Variants in NEK1 observed in about 807,000 individuals in gnomAD.
NEK1 encodes the protein serine/threonine-protein kinase Nek1.
NEK1 carries 137 observed loss-of-function variants against 182.1 expected under a neutral mutation model. That is an observed-to-expected ratio of 0.75 (90% confidence interval 0.65 to 0.87). NEK1 has a LOEUF of 0.87. Ranked by LOEUF, NEK1 falls within the 40% of genes least tolerant of loss-of-function variation. The pLI, the probability that NEK1 is intolerant of heterozygous loss-of-function variation, is 0.00. For missense variants in NEK1, 1,391 were observed against 1,494.4 expected (o/e 0.93, Z 1.14); for synonymous variants, 513 against 492.2 (o/e 1.04, Z -0.56).
chr4:169,546,253 T>C (rs191433014), intron 18 of NEK1, among the ~76,000 whole-genome samples: 1 of 152,358 alleles, frequency 6.6e-6, no homozygotes, highest in East Asian at 1.9e-4. Context: ...CCAGTAGTCA[T>C]TCAGGAGCAG....
At chr4:169,610,074 A>G (rs1467819033) in intron 2 of NEK1, among the ~76,000 whole-genome samples, 2 of 150,118 alleles carry the variant, frequency 1.3e-5, no homozygotes, top group Non-Finnish European at 3.0e-5. Flanking sequence ...CTGGAATGCA[A>G]TGGTGCCATT....
chr4:169,486,761 C>T (rs984703034), intron 23 of NEK1, among the ~76,000 whole-genome samples: 1 of 152,102 alleles, frequency 6.6e-6, no homozygotes, highest in Admixed American at 6.5e-5. Context: ...CTGTGGGGAG[C>T]CTTACAGGCG....
At chr4:169,610,233 C>T (rs1366322711) in intron 2 of NEK1, among the ~76,000 whole-genome samples, 1 of 152,168 alleles carries the variant, frequency 6.6e-6, no homozygotes, top group Non-Finnish European at 1.5e-5. Context: ...AACTCCTGAC[C>T]TCAAATGATC....
At chr4:169,563,132 G>C (rs1220179250) in intron 12 of NEK1, among the ~76,000 whole-genome samples, 1 of 152,092 alleles carries the variant, frequency 6.6e-6, no homozygotes, top group African/African-American at 2.4e-5. Context: ...GGCCAAGATA[G>C]GAGGACTGCT....
At chr4:169,582,943 C>T (rs1010589179) in intron 10 of NEK1, among the ~76,000 whole-genome samples, 7 of 151,972 alleles carry the variant, frequency 4.6e-5, no homozygotes, top group African/African-American at 1.7e-4. Flanking sequence ...CAGAACTTAC[C>T]CATGGTTTTT....
rs762325346 is a variant in NEK1 at position 169,478,898 on chromosome 4, T to C, written c.2139+505A>G. ...GTCTATGTTTCTTTGTTTTACTATC[T>C]GTAGGGCATGACAGAGATTCAGAAG... On this transcript the variant is annotated intron_variant, in intron 24 of 35. Coordinates refer to ENST00000507142, the MANE Select transcript of NEK1 (RefSeq NM_001199397.3). 2.0e-5 allele frequency among the ~76,000 whole-genome samples: 3 copies of C among 152,180 alleles called. No homozygotes were observed. The South Asian group carries it at 6.2e-4, about 31-fold the overall frequency.
chr4:169,408,934 G>GT (rs1733127149), intron 31 of NEK1, among the ~76,000 whole-genome samples: 5 of 152,226 alleles, frequency 3.3e-5, no homozygotes, highest in Admixed American at 2.0e-4. Context: ...TATAAACATG[G>GT]GTGTGTGTGT....
chr4:169,561,610 C>A, intron 15 of NEK1, 56 bp from the exon 16 acceptor site: 2 of 1,585,216 alleles, frequency 1.3e-6, no homozygotes, highest in African/African-American at 1.3e-5. Context: ...ATAAAATACA[C>A]GTAATACATT....
At chr4:169,468,159 C>T (rs1377682532) in intron 26 of NEK1, among the ~76,000 whole-genome samples, 2 of 152,038 alleles carry the variant, frequency 1.3e-5, no homozygotes, top group African/African-American at 4.8e-5. Context: ...ATTATGCTTT[C>T]AGCCAGAGGT....
intron 12 of NEK1, among the ~76,000 whole-genome samples, chr4:169,569,951 C>A (rs539118415): frequency 0.013 from 1,981 of 152,038 alleles, 36 homozygotes; most frequent in African/African-American, 0.045. Context: ...GCCTGGCCGC[C>A]CATCGTCTGG....
At position 169,394,721 on chromosome 4, in the gene NEK1, G is replaced by A. The variant is rs13131146; in HGVS notation, c.3848-198C>T. On this transcript the variant is annotated intron_variant, in intron 35 of 35. Coordinates refer to ENST00000507142, the MANE Select transcript of NEK1 (RefSeq NM_001199397.3). ...ATAAAATGGGAAGCAAAAATCATCT[G>A]TAAGTGAAAGACAACCAATGTTAAC... Among the ~76,000 whole-genome samples the A allele has an allele frequency of 0.36, 54,353 of 151,950 alleles. 10,174 individuals are homozygous for A. The highest frequency in any genetic ancestry group is 0.46 in the South Asian group (2,199 of 4,818).
chr4:169,428,355 T>TATATATATATAC, intron 29 of NEK1, among the ~76,000 whole-genome samples: 1 of 141,308 alleles, frequency 7.1e-6, no homozygotes, highest in East Asian at 2.2e-4. Flanking sequence ...ATATGGGATA[T>TATATATATATAC]ATATATATAT....
intron 5 of NEK1, among the ~76,000 whole-genome samples, chr4:169,597,883 G>A (rs1348222895): frequency 6.6e-6 from 1 of 152,036 alleles, no homozygotes; most frequent in South Asian, 2.1e-4. Flanking sequence ...GCAGTGAGTC[G>A]AGATTGTGCC....
chr4:169,573,435 A>G (rs1765183749), intron 12 of NEK1, among the ~76,000 whole-genome samples: 1 of 152,242 alleles, frequency 6.6e-6, no homozygotes, highest in Non-Finnish European at 1.5e-5. Flanking sequence ...AAGTTAGACT[A>G]GTTACAATAG....
chr4:169,401,570 A>G, intron 33 of NEK1, 82 bp downstream of exon 33: 1 of 1,222,862 alleles, frequency 8.2e-7, no homozygotes, highest in Non-Finnish European at 1.2e-6. Context: ...GAAATGGTTC[A>G]CAGCAGAGAT....
intron 18 of NEK1, among the ~76,000 whole-genome samples, chr4:169,540,113 T>A (rs1223860947): frequency 1.3e-5 from 2 of 152,136 alleles, no homozygotes; most frequent in African/African-American, 4.8e-5. Context: ...AATAAGCAGG[T>A]TTACATTACT....
chr4:169,506,762 CT>C (rs566643465), intron 23 of NEK1: 17 of 163,106 alleles, frequency 1.0e-4, no homozygotes, highest in Non-Finnish European at 2.1e-4. Context: ...CAGAGCAATA[CT>C]CCATCTCAAA....
At chr4:169,580,636 T>G (rs72974750) in intron 11 of NEK1, among the ~76,000 whole-genome samples, 6 of 152,030 alleles carry the variant, frequency 3.9e-5, no homozygotes, top group Admixed American at 6.5e-5. Flanking sequence ...AGATTTCATT[T>G]AAATAAAATG....
chr4:169,452,669 T>C (rs1742048643), intron 27 of NEK1, among the ~76,000 whole-genome samples: 1 of 152,110 alleles, frequency 6.6e-6, no homozygotes, highest in African/African-American at 2.4e-5. Flanking sequence ...TATCTCAAAA[T>C]AATAAGAACT....
Sources: allele counts gnomAD v4.1 joint callset (sites outside exome capture counted in the v4.1 genomes callset), GRCh38; gene constraint gnomAD v4.1.1; transcripts MANE v1.5; gene names NCBI Gene and HGNC (gene_info 2026-07-23, HGNC 2026-07-21).